CDH18: variants seen among roughly 807,000 people sequenced by gnomAD.
CDH18 encodes the protein cadherin-18.
A neutral mutation model predicts 67.9 loss-of-function variants in CDH18; 31 were observed. That is an observed-to-expected ratio of 0.46 (90% CI 0.34 to 0.62). The LOEUF (loss-of-function observed/expected upper bound fraction) is 0.62, where lower values mean the gene tolerates loss of function less well. CDH18 is among the 20% of genes least tolerant of loss of function. The probability of loss-of-function intolerance (pLI) is 0.01; values close to 1 mark genes in which losing one functional copy is unlikely to be tolerated. For missense variants in CDH18, 890 were observed against 975.5 expected, an observed-to-expected ratio of 0.91 and a Z score of 1.17; for synonymous variants, 362 against 347.2, an observed-to-expected ratio of 1.04 and a Z score of -0.48.
At chr5:20,531,353 C>G (rs546959493) in intron 1 of CDH18, among the ~76,000 whole-genome samples, 1 of 152,068 alleles carries the variant, frequency 6.6e-6, no homozygotes, top group African/African-American at 2.4e-5. Flanking sequence ...GATTAAGAAC[C>G]AGAAATAGCA....
intron 2 of CDH18, among the ~76,000 whole-genome samples, chr5:20,241,843 C>G (rs1369964460): frequency 8.3e-6 from 1 of 120,654 alleles, no homozygotes; most frequent in African/African-American, 3.5e-5. Flanking sequence ...CAGAGGGAGA[C>G]CCTGTCGCAA....
At chr5:19,926,615 A>C (rs1793119266) in intron 2 of CDH18, among the ~76,000 whole-genome samples, 1 of 152,122 alleles carries the variant, frequency 6.6e-6, no homozygotes, top group Non-Finnish European at 1.5e-5. Flanking sequence ...TTCTAACTAA[A>C]TAATGTAATA....
Position 19,742,788 on chromosome 5 carries a change from G to T in CDH18, c.523+4154C>A, listed in dbSNP as rs572086675. Among the ~76,000 whole-genome samples, 5 of 152,024 alleles carry T rather than the reference G, an allele frequency of 3.3e-5. No individual in the cohort carries two copies. In the South Asian group the frequency reaches 1.0e-3, roughly 32 times the overall value. ...AGAAAGAATTGAATAAATATAAGGAGAGAGATTGTTTTAATGATTCAAAAC... is the reference window on the plus strand; with the variant it reads ...AGAAAGAATTGAATAAATATAAGGATAGAGATTGTTTTAATGATTCAAAAC... On this transcript the variant is annotated intron_variant, in intron 4 of 12. Transcript: ENST00000382275.
intron 2 of CDH18, among the ~76,000 whole-genome samples, chr5:20,213,203 G>T (rs551994614): frequency 3.7e-4 from 57 of 152,250 alleles, no homozygotes; most frequent in African/African-American, 1.3e-3. Context: ...AGAGAATAGG[G>T]AGGCCTAAAG....
At chr5:20,520,829 A>G (rs972158677) in intron 1 of CDH18, among the ~76,000 whole-genome samples, 1 of 152,198 alleles carries the variant, frequency 6.6e-6, no homozygotes, top group Non-Finnish European at 1.5e-5. Flanking sequence ...ATGAGAGAAA[A>G]GATCTAAAAT....
chr5:19,637,012 C>A (rs1217664729), intron 5 of CDH18, among the ~76,000 whole-genome samples: 1 of 152,102 alleles, frequency 6.6e-6, no homozygotes, highest in Non-Finnish European at 1.5e-5. Context: ...AAAATTGAAT[C>A]CAAACTATCT....
rs566076398 is a variant in CDH18 at position 20,443,545 on chromosome 5, T to C, written c.-580+131917A>G. On this transcript the variant is annotated intron_variant, in intron 1 of 14. Transcript: ENST00000507958. Reference sequence around the variant, plus strand: ...TACAAAATCAATAGTGAACGCCAGATACCTATCCCGTATTTTCCTGGAGAC... The same window carrying C: ...TACAAAATCAATAGTGAACGCCAGACACCTATCCCGTATTTTCCTGGAGAC... Among the ~76,000 whole-genome samples the C allele has an allele frequency of 5.3e-5, 8 of 152,024 alleles. No homozygotes were observed. In the South Asian group the frequency reaches 1.4e-3, roughly 28 times the overall value.
intron 1 of CDH18, among the ~76,000 whole-genome samples, chr5:20,494,782 G>T (rs1242624937): frequency 6.6e-6 from 1 of 152,106 alleles, no homozygotes; most frequent in South Asian, 2.1e-4. Context: ...ACATGAGTAG[G>T]TCTGGAGGAG....
intron 2 of CDH18, among the ~76,000 whole-genome samples, chr5:20,073,485 G>C (rs1743660352): frequency 6.6e-6 from 1 of 152,046 alleles, no homozygotes; most frequent in Admixed American, 6.6e-5. Flanking sequence ...ATTTGGTTAT[G>C]TTGGTACTGG....
chr5:20,541,140 G>T (rs897662616), intron 1 of CDH18, among the ~76,000 whole-genome samples: 2 of 152,278 alleles, frequency 1.3e-5, no homozygotes, highest in Non-Finnish European at 1.5e-5. Flanking sequence ...GAATAAAGTA[G>T]AAAATTTATA....
intron 1 of CDH18, among the ~76,000 whole-genome samples, chr5:20,556,467 T>G (rs1171188615): frequency 6.6e-6 from 1 of 152,182 alleles, no homozygotes; most frequent in Non-Finnish European, 1.5e-5. Flanking sequence ...ACTCACTCTT[T>G]TTATTGAAGA....
chr5:20,013,893 C>T (rs1316093661), intron 2 of CDH18, among the ~76,000 whole-genome samples: 3 of 151,814 alleles, frequency 2.0e-5, no homozygotes, highest in Non-Finnish European at 2.9e-5. Context: ...ATACACTTTC[C>T]CCAAATGCTG....
At chr5:19,682,515 T>C (rs1445913875) in intron 5 of CDH18, among the ~76,000 whole-genome samples, 1 of 151,924 alleles carries the variant, frequency 6.6e-6, no homozygotes, top group Non-Finnish European at 1.5e-5. Context: ...AGTCACAGAG[T>C]GGGCTGAGTC....
intron 1 of CDH18, among the ~76,000 whole-genome samples, chr5:20,506,388 C>T (rs145736969): frequency 4.6e-5 from 7 of 152,288 alleles, no homozygotes; most frequent in Middle Eastern, 3.4e-3. Context: ...CTTCCTGGCT[C>T]AGGACTCAAA....
intron 3 of CDH18, among the ~76,000 whole-genome samples, chr5:19,774,426 TTAAAA>T (rs70950101): frequency 1.4e-4 from 20 of 139,390 alleles, no homozygotes; most frequent in Non-Finnish European, 2.3e-4. Flanking sequence ...TAAAATAAAA[TTAAAA>T]TAAAATAAAA....
chr5:19,806,005 CAT>C (rs1409915059), intron 3 of CDH18, among the ~76,000 whole-genome samples: 3 of 152,170 alleles, frequency 2.0e-5, no homozygotes, highest in Non-Finnish European at 4.4e-5. Flanking sequence ...CGTTCTCTGG[CAT>C]TATTCTCAGG....
intron 2 of CDH18, among the ~76,000 whole-genome samples, chr5:20,250,229 G>A (rs556880652): frequency 5.4e-4 from 82 of 151,870 alleles, no homozygotes; most frequent in African/African-American, 1.8e-3. Context: ...TTTTGTTTTT[G>A]TTCTATTTCC....
intron 2 of CDH18, among the ~76,000 whole-genome samples, chr5:19,966,201 A>G (rs1033474782): frequency 6.6e-6 from 1 of 152,194 alleles, no homozygotes; most frequent in Non-Finnish European, 1.5e-5. Flanking sequence ...ATTAAAACAT[A>G]CTATATGCTT....
At chr5:20,244,537 T>G (rs1295363994) in intron 2 of CDH18, among the ~76,000 whole-genome samples, 1 of 152,084 alleles carries the variant, frequency 6.6e-6, no homozygotes, top group African/African-American at 2.4e-5. Context: ...TCTTCCAAAT[T>G]TCTCAAAAAA....
Sources: allele counts gnomAD v4.1 joint callset (sites outside exome capture counted in the v4.1 genomes callset), GRCh38; gene constraint gnomAD v4.1.1; transcripts MANE v1.5; gene names NCBI Gene and HGNC (gene_info 2026-07-23, HGNC 2026-07-21).